The following CPSF7 variants were observed in gnomAD, a reference collection of about 807,000 sequenced individuals.
CPSF7 encodes cleavage and polyadenylation specificity factor subunit 7.
In CPSF7, 1 loss-of-function variant was observed where a neutral mutation model predicts 44.3. The observed-to-expected ratio is 0.02, with a 90% CI of 0.01 to 0.11. The LOEUF (loss-of-function observed/expected upper bound fraction) is 0.11. Among genes scored for constraint, CPSF7 ranks in the 10% least tolerant of loss-of-function variants. CPSF7 has a pLI of 1.00. For synonymous variants in CPSF7, 202 were observed against 222.0 expected (o/e 0.91, Z 0.80); for missense variants, 443 against 607.2 (o/e 0.73, Z 2.84).
intron 2 of CPSF7, chr11:61,427,144 A>C (rs1861447017): frequency 6.6e-6 from 1 of 151,884 alleles, no homozygotes; most frequent in African/African-American, 2.4e-5. Flanking sequence ...CACACCTATA[A>C]TCCCAACAGT....
chr11:61,410,700 A>G (rs1346298496), intron 9 of CPSF7: 1 of 360,250 alleles, frequency 2.8e-6, no homozygotes, highest in Non-Finnish European at 5.0e-6. Context: ...TGCAGACACC[A>G]TACTCTCACT....
At chr11:61,409,201 C>T (rs376137604) in intron 9 of CPSF7, among the ~76,000 whole-genome samples, 4 of 151,266 alleles carry the variant, frequency 2.6e-5, no homozygotes, top group African/African-American at 7.3e-5. Flanking sequence ...CAGCCGGGTG[C>T]GGTGGCTCAC....
chr11:61,426,906 T>C (rs1339567074), intron 2 of CPSF7: 1 of 151,758 alleles, frequency 6.6e-6, no homozygotes, highest in African/African-American at 2.4e-5. Flanking sequence ...CGCGCGCCTG[T>C]AGTCCCATCT....
Position 61,423,546 on chromosome 11 carries a change from C to T in CPSF7, c.55-1938G>A, listed in dbSNP as rs1367389267. 2.6e-5 allele frequency among the ~76,000 whole-genome samples: 4 copies of T among 152,102 alleles called. No homozygotes were observed. The East Asian group carries it at 5.8e-4, about 22-fold the overall frequency. On this transcript the variant is annotated intron_variant, in intron 2 of 9. Coordinates refer to ENST00000439958, the MANE Select transcript of CPSF7 (RefSeq NM_001142565.3). The stretch of plus-strand genomic sequence containing the variant: ...AATTAGACAAAACATTCAAACAATG[C>T]TAAAGATAATGCTGCCAAAATGACA...
chr11:61,427,516 G>A (rs1274991346), intron 2 of CPSF7, among the ~76,000 whole-genome samples: 2 of 151,948 alleles, frequency 1.3e-5, no homozygotes, highest in Non-Finnish European at 2.9e-5. Flanking sequence ...AGCCAGGTGA[G>A]GTGACCCACG....
At chr11:61,427,523 C>T (rs577966540) in intron 2 of CPSF7, among the ~76,000 whole-genome samples, 3 of 151,870 alleles carry the variant, frequency 2.0e-5, no homozygotes, top group African/African-American at 4.8e-5. Context: ...TGAGGTGACC[C>T]ACGCCTGTAG....
Position 61,411,756 on chromosome 11 carries a change from A to G in CPSF7, c.1226+13T>C. 5.6e-6 allele frequency: 9 copies of G among 1,606,548 alleles called. No homozygotes were observed. The highest frequency in any genetic ancestry group is 7.7e-6 in the Non-Finnish European group (9 of 1,175,008). On this transcript the variant is annotated intron_variant, in intron 8 of 9. Coordinates refer to ENST00000439958, the MANE Select transcript of CPSF7 (RefSeq NM_001142565.3). ...CTTGGGGCTGGTAGGTGAGGACACA[A>G]TCACCAACTCACCTGGAAGAGCTCC... is the stretch of plus-strand genomic sequence containing the variant.
rs904328304 is a variant in CPSF7, at chr11:61,416,380, C to T, written c.663G>A (p.Ser221=). Residue 221 remains serine, a synonymous_variant, in exon 6 of 10, where the codon TCG becomes TCA. Coordinates refer to ENST00000439958, the MANE Select transcript of CPSF7 (RefSeq NM_001142565.3). ...SVLPYFNRPP[S]ALPLMGLPPP... ...GGGGCAGACCCATCAGGGGAAGGGC[C>T]GAAGGAGGACGATTGAAGTAGGGCA... is the stretch of plus-strand genomic sequence containing the variant. The T allele has an allele frequency of 4.3e-6, 7 of 1,610,930 alleles. No homozygotes were observed. In the African/African-American group the frequency reaches 5.4e-5, roughly 12 times the overall value.
chr11:61,425,130 C>T (rs1201941976), intron 2 of CPSF7, among the ~76,000 whole-genome samples: 1 of 152,216 alleles, frequency 6.6e-6, no homozygotes, highest in Non-Finnish European at 1.5e-5. Flanking sequence ...TTTAAATGGT[C>T]TCTCTGGGCC....
At position 61,416,114 on chromosome 11, in the gene CPSF7, T is replaced by G; in HGVS notation, c.929A>C (p.His310Pro). 1 of 1,496,986 alleles carries G rather than the reference T, an allele frequency of 6.7e-7. No individual in the cohort carries two copies. 92.7% of individuals were successfully genotyped at this position (1,496,986 alleles called of 1,614,324 possible). A position where few individuals can be genotyped will look rare whatever the true frequency, so the allele number is the denominator to read the frequency against. The change falls in exon 6 of 10, where the codon CAC becomes CCC. Residue 310 changes from histidine (H) to proline (P), a missense_variant. By Grantham distance (77) the His-to-Pro change is moderately conservative. Transcript: ENST00000439958. The stretch of plus-strand genomic sequence containing the variant: ...GAACAATAGTCCTTACCTGCCATGG[T>G]GGTTATAGGGGGCAGAGGCCTTCAT... The part of the protein sequence containing the change: ...TYMKASAPYN[H>P]HGSRDSGPPP...
At position 61,416,329 on chromosome 11, in the gene CPSF7, A is replaced by T. The variant is rs199830766; in HGVS notation, c.714T>A (p.Pro238=). Residue 238 remains proline, a synonymous_variant, in exon 6 of 10, where the codon CCT becomes CCA. Coordinates refer to ENST00000439958, the MANE Select transcript of CPSF7 (RefSeq NM_001142565.3). ...LPPPPIPPPP[P]LSSSFGVPPP... is the part of the protein sequence containing the mutation. ...GAGGGACCCCAAAGCTTGAGGAGAG[A>T]GGTGGTGGGGGTGGAATTGGTGGTG... 1 of 1,505,072 alleles carries T rather than the reference A, an allele frequency of 6.6e-7. No individual in the cohort carries two copies. Among genetic ancestry groups the T allele is most frequent in the African/African-American group, 1.7e-5 (1 of 57,408 alleles). 93.2% of individuals were successfully genotyped at this position (1,505,072 alleles called of 1,614,324 possible). A position where few individuals can be genotyped will look rare whatever the true frequency, so the allele number is the denominator to read the frequency against.
chr11:61,416,443 T>C lies in CPSF7; in HGVS notation c.600A>G (p.Val200=). Residue 200 remains valine, a synonymous_variant, in exon 6 of 10, where the codon GTA becomes GTG. Coordinates refer to ENST00000439958, the MANE Select transcript of CPSF7 (RefSeq NM_001142565.3). ...GCTTATCCACACGAGCAGATGAGGG[T>C]ACAAGGTTCTCAGAGGGTGTGGCCC... ...DGRATPSENL[V]PSSARVDKPP... 3 of 1,613,834 alleles carry C rather than the reference T, an allele frequency of 1.9e-6. No homozygotes were observed. The highest frequency in any genetic ancestry group is 2.5e-6 in the Non-Finnish European group (3 of 1,179,934).
rs968596405 is a variant in CPSF7, at chr11:61,415,922, T to G, written c.939-138A>C. The G allele has an allele frequency of 1.5e-5, 13 of 848,812 alleles. No individual in the cohort carries two copies. The African/African-American group carries it at 2.2e-4, about 14-fold the overall frequency. 52.6% of individuals were successfully genotyped at this position (848,812 alleles called of 1,614,324 possible). The stretch of plus-strand genomic sequence containing the variant: ...CATTCATAACACCTGCTCCCGCATT[T>G]AATTAAGCACCTTAAAAAGGGGTAT... On this transcript the variant is annotated intron_variant, in intron 6 of 9. Coordinates refer to ENST00000439958, the MANE Select transcript of CPSF7 (RefSeq NM_001142565.3).
chr11:61,418,040 C>A (rs1756489751), intron 5 of CPSF7, among the ~76,000 whole-genome samples: 1 of 152,200 alleles, frequency 6.6e-6, no homozygotes, highest in African/African-American at 2.4e-5. Flanking sequence ...GGGTGAATTA[C>A]AGAAAGACTC....
intron 3 of CPSF7, 90 bp from the exon 4 acceptor site, chr11:61,420,663 A>C: frequency 1.0e-6 from 1 of 960,670 alleles, no homozygotes; most frequent in Non-Finnish European, 1.7e-6. Flanking sequence ...GTCACAACTA[A>C]GTCCCCCCAG....
At chr11:61,405,002 G>A (rs1383849186) in intron 9 of CPSF7, among the ~76,000 whole-genome samples, 1 of 152,200 alleles carries the variant, frequency 6.6e-6, no homozygotes, top group East Asian at 1.9e-4. Flanking sequence ...CTGAAAAGGA[G>A]ACTTTGGCTG....
At position 61,421,490 on chromosome 11, in the gene CPSF7, T is replaced by C; in HGVS notation, c.173A>G (p.Glu58Gly). 6.2e-7 allele frequency: 1 copy of C among 1,614,146 alleles called. No homozygotes were observed. The highest frequency in any genetic ancestry group is 8.5e-7 in the Non-Finnish European group (1 of 1,180,024). ...STEPPPPVRQ[E>G]PSPKPNNKTP... ...CTTGTTGTTGGGCTTGGGAGATGGCTCCTGGCGAACAGGAGGAGGTGGTTC... is the reference window on the plus strand; with the variant it reads ...CTTGTTGTTGGGCTTGGGAGATGGCCCCTGGCGAACAGGAGGAGGTGGTTC... The change falls in exon 3 of 10, where the codon GAG becomes GGG. Residue 58 changes from glutamate (E) to glycine (G), a missense_variant. Transcript: ENST00000439958.
chr11:61,420,943 AACCACCCCC>A (rs1263780658), intron 3 of CPSF7: 2 of 611,708 alleles, frequency 3.3e-6, no homozygotes, highest in Non-Finnish European at 5.5e-6. Flanking sequence ...AATTTGGAAA[AACCACCCCC>A]ACCACCAGCC....
chr11:61,416,177 G>T lies in CPSF7; in HGVS notation c.866C>A (p.Pro289Gln), dbSNP rs769653247. Residue 289 changes from proline to glutamine, a missense_variant, in exon 6 of 10, where the codon CCA becomes CAA. Physicochemically the swap from Pro to Gln is moderately conservative, Grantham distance 76. Coordinates refer to ENST00000439958, the MANE Select transcript of CPSF7 (RefSeq NM_001142565.3). ...TGGAGGCCCCACTGTAGCGTTTGGT[G>T]GGGGGAAGAAGGCTGGATTGAGGTG... is the stretch of plus-strand genomic sequence containing the variant. ...ALHLNPAFFP[P>Q]PNATVGPPPD... The T allele has an allele frequency of 4.0e-6, 6 of 1,518,604 alleles. No individual in the cohort carries two copies. Among genetic ancestry groups the T allele is most frequent in the African/African-American group, 1.4e-5 (1 of 71,688 alleles). The allele number at this position is 1,518,604 out of a possible 1,614,324, so 94.1% of individuals were successfully genotyped here. A position where few individuals can be genotyped will look rare whatever the true frequency, so the allele number is the denominator to read the frequency against.
Sources: gnomAD v4.1 joint callset for allele counts (sites outside exome capture counted in the v4.1 genomes callset) on GRCh38, gnomAD v4.1.1 for gene constraint, MANE v1.5 for transcripts, NCBI Gene and HGNC (gene_info 2026-07-23, HGNC 2026-07-21) for gene names.